The following QSOX2 variants were observed in gnomAD, a reference collection of about 807,000 sequenced individuals.
The protein encoded by QSOX2 is sulfhydryl oxidase 2.
Under a neutral mutation model 61.7 loss-of-function variants are expected in QSOX2, and 46 were observed. That is an observed-to-expected ratio of 0.75 (90% CI 0.59 to 0.95). The LOEUF (loss-of-function observed/expected upper bound fraction) is 0.95. Ranked by LOEUF, QSOX2 falls within the 40% of genes least tolerant of loss-of-function variation. QSOX2 has a pLI of 0.00. For missense variants in QSOX2, 879 were observed against 918.9 expected (o/e 0.96, Z 0.56); for synonymous variants, 383 against 388.4 (o/e 0.99, Z 0.16).
At chr9:136,231,652 C>A (rs1309929277) in intron 1 of QSOX2, among the ~76,000 whole-genome samples, 1 of 152,248 alleles carries the variant, frequency 6.6e-6, no homozygotes, top group Non-Finnish European at 1.5e-5. Context: ...GTGCCCCTCA[C>A]AGCCCCACAC....
intron 1 of QSOX2, among the ~76,000 whole-genome samples, chr9:136,232,914 T>C (rs1229173844): frequency 2.3e-5 from 2 of 87,004 alleles, no homozygotes; most frequent in Non-Finnish European, 4.1e-5. Flanking sequence ...TGAGAACCTG[T>C]CTCAAAAAAA....
intron 1 of QSOX2, among the ~76,000 whole-genome samples, chr9:136,234,467 G>A (rs1830360412): frequency 1.3e-5 from 2 of 152,316 alleles, no homozygotes; most frequent in South Asian, 2.1e-4. Context: ...TCCGGCAGAT[G>A]TCCCACACCT....
Position 136,219,055 on chromosome 9 carries a change from T to C in QSOX2, c.931A>G (p.Ile311Val), listed in dbSNP as rs771168696. Reference protein sequence around the residue: ...EKPHKEENSEIVVWREFDKSK... With the variant: ...EKPHKEENSEVVVWREFDKSK... ...TTGTCAAATTCTCTCCAAACCACGA[T>C]TTCTGAATTTTCTTCTTTGTGTGGC... The change falls in exon 7 of 12, where the codon ATC becomes GTC. Residue 311 changes from isoleucine to valine, a missense_variant. Ile to Val is a conservative substitution (Grantham distance 29). Transcript: ENST00000358701. 2 of 1,614,088 alleles carry C rather than the reference T, an allele frequency of 1.2e-6. No homozygotes were observed. The highest frequency in any genetic ancestry group is 1.7e-5 in the Admixed American group (1 of 60,016).
chr9:136,211,126 G>T, intron 11 of QSOX2, 138 bp downstream of exon 11: 2 of 973,250 alleles, frequency 2.1e-6, no homozygotes, highest in Non-Finnish European at 1.5e-6. Context: ...CCCAAGTCCT[G>T]ATCCCGTCAG....
At chr9:136,232,593 C>A (rs1830341239) in intron 1 of QSOX2, among the ~76,000 whole-genome samples, 1 of 149,794 alleles carries the variant, frequency 6.7e-6, no homozygotes, top group Non-Finnish European at 1.5e-5. Flanking sequence ...ACTTACAGAC[C>A]ACACACAGCA....
At position 136,208,970 on chromosome 9, in the gene QSOX2, G is replaced by T; in HGVS notation, c.1855C>A (p.Pro619Thr). 1 of 1,613,648 alleles carries T rather than the reference G, an allele frequency of 6.2e-7. No homozygotes were observed. The highest frequency in any genetic ancestry group is 8.5e-7 in the Non-Finnish European group (1 of 1,179,724). Residue 619 changes from proline (P) to threonine (T), a missense_variant, in exon 12 of 12, where the codon CCT (proline) becomes ACT (threonine). Transcript: ENST00000358701. ...TGATGCAAGCTCTCTGGAAGGGCAG[G>T]CCTGGGGCCCAGTGCACCAGGTGGA... is the stretch of plus-strand genomic sequence containing the variant. Reference protein sequence around the residue: ...VRPPGALGPRPALPESLHHSL... With the variant: ...VRPPGALGPRTALPESLHHSL...
chr9:136,230,156 G>A (rs953671687), intron 1 of QSOX2, among the ~76,000 whole-genome samples: 37 of 152,210 alleles, frequency 2.4e-4, no homozygotes, highest in African/African-American at 8.9e-4. Context: ...GTGCGTGCCT[G>A]TAGTCCCAGC....
intron 1 of QSOX2, among the ~76,000 whole-genome samples, chr9:136,235,590 G>C (rs1476572878): frequency 6.6e-6 from 1 of 152,260 alleles, no homozygotes; most frequent in African/African-American, 2.4e-5. Flanking sequence ...CCACTGATGT[G>C]CGTGGAGAAC....
chr9:136,220,344 T>C (rs149327678), intron 6 of QSOX2, among the ~76,000 whole-genome samples: 246 of 152,246 alleles, frequency 1.6e-3, no homozygotes, highest in Middle Eastern at 3.4e-3. Context: ...GAAAGAAAAA[T>C]ACTTAAGAAA....
chr9:136,232,245 C>T (rs1830338281), intron 1 of QSOX2, among the ~76,000 whole-genome samples: 1 of 152,190 alleles, frequency 6.6e-6, no homozygotes, highest in African/African-American at 2.4e-5. Flanking sequence ...GCAGTGAGCG[C>T]TTTCCGCACA....
In QSOX2 at chr9:136,209,227, G is replaced by T; in HGVS notation, c.1598C>A (p.Pro533Gln). 1.2e-6 allele frequency: 2 copies of T among 1,613,926 alleles called. No homozygotes were observed. The highest frequency in any genetic ancestry group is 1.7e-6 in the Non-Finnish European group (2 of 1,179,942). ...CTCATGGCAGGCTGGGCAGAGGTCC[G>T]GAGTGGGCCACTGAAGCTTTGGAAA... Reference protein sequence around the residue: ...PRFPKLQWPTPDLCPACHEEI... With the variant: ...PRFPKLQWPTQDLCPACHEEI... The change falls in exon 12 of 12, where the codon CCG becomes CAG. Residue 533 changes from proline to glutamine, a missense_variant. Transcript: ENST00000358701. The surrounding 1 kb of genome is among the most constrained non-coding windows in gnomAD (Gnocchi z 5.6).
rs569422416 is a variant in QSOX2, at chr9:136,241,586, T to C, written c.328+3890A>G. On this transcript the variant is annotated intron_variant, in intron 1 of 11. Transcript: ENST00000358701. ...ACAAAGACACAGGAATGAACTGCCA[T>C]GGCTCCAGGTCACCCACACCTGGAC... Among the ~76,000 whole-genome samples, 316 of 152,260 alleles carry C rather than the reference T, an allele frequency of 2.1e-3. 1 individual carries two copies. Among genetic ancestry groups the C allele is most frequent in the Non-Finnish European group, 3.7e-3 (255 of 68,008 alleles).
chr9:136,223,765 C>G lies in QSOX2; in HGVS notation c.673G>C (p.Glu225Gln), dbSNP rs768070302. ...TGGAGCCCACGCAGAGGCCGTACCT[C>G]CCGTCCAAGGTAGGAGCTGTTGCTT... ...FESNSSYLGREVILDLIPYES... is the reference protein window; with the variant it reads ...FESNSSYLGRQVILDLIPYES... The change falls in exon 5 of 12, where the codon GAG becomes CAG. Residue 225 changes from glutamate to glutamine, a missense_variant and splice_region_variant. Coordinates refer to ENST00000358701, the MANE Select transcript of QSOX2 (RefSeq NM_181701.4). The surrounding 1 kb of genome is among the most constrained non-coding windows in gnomAD (Gnocchi z 4.4). 1 of 1,613,758 alleles carries G rather than the reference C, an allele frequency of 6.2e-7. No individual in the cohort carries two copies. The highest frequency in any genetic ancestry group is 1.7e-5 in the Admixed American group (1 of 60,000).
intron 1 of QSOX2, among the ~76,000 whole-genome samples, chr9:136,228,299 TAAAG>T (rs1830301328): frequency 6.6e-6 from 1 of 152,142 alleles, no homozygotes; most frequent in South Asian, 2.1e-4. Context: ...GACAATTCTG[TAAAG>T]AGAGACCTGC....
At chr9:136,224,669 G>A (rs931074629) in intron 3 of QSOX2, among the ~76,000 whole-genome samples, 192 bp downstream of exon 3, 1 of 152,206 alleles carries the variant, frequency 6.6e-6, no homozygotes, top group African/African-American at 2.4e-5. Context: ...TGCCAAGCAA[G>A]GCAAAGCACA....
At chr9:136,240,737 C>A (rs1049480109) in intron 1 of QSOX2, among the ~76,000 whole-genome samples, 2 of 152,230 alleles carry the variant, frequency 1.3e-5, no homozygotes, top group African/African-American at 4.8e-5. Flanking sequence ...ACGCTACGGT[C>A]GCCTCATCTG....
intron 1 of QSOX2, among the ~76,000 whole-genome samples, chr9:136,227,285 A>G (rs1451198610): frequency 6.6e-6 from 1 of 152,182 alleles, no homozygotes; most frequent in African/African-American, 2.4e-5. Flanking sequence ...TGGCAAAAAC[A>G]TTCCCGTGTT....
chr9:136,208,081 C>G lies in QSOX2; in HGVS notation c.*647G>C, dbSNP rs3811126. The stretch of plus-strand genomic sequence containing the variant: ...CTGTTGAAATCCCCACGTCTGGTGT[C>G]GAACACCCGGAGGAACAAGGAGAGC... On this transcript the variant is annotated 3_prime_UTR_variant, in exon 12 of 12. Coordinates refer to ENST00000358701, the MANE Select transcript of QSOX2 (RefSeq NM_181701.4). 0.039 allele frequency: 5,997 copies of G among 152,046 alleles called. 183 individuals are homozygous for G. The highest frequency in any genetic ancestry group is 0.089 in the African/African-American group (3,686 of 41,310). 9.4% of individuals were successfully genotyped at this position (152,046 alleles called of 1,614,324 possible). A position where few individuals can be genotyped will look rare whatever the true frequency, so the allele number is the denominator to read the frequency against.
intron 6 of QSOX2, among the ~76,000 whole-genome samples, chr9:136,220,566 T>G (rs368284601): frequency 1.3e-5 from 2 of 152,262 alleles, no homozygotes; most frequent in African/African-American, 4.8e-5. Flanking sequence ...TGCTGCAACT[T>G]CAGGCCAGGG....
Sources: allele counts gnomAD v4.1 joint callset (sites outside exome capture counted in the v4.1 genomes callset), GRCh38; gene constraint gnomAD v4.1.1; non-coding constraint Gnocchi (gnomAD v3.1); transcripts MANE v1.5; gene names NCBI Gene and HGNC (gene_info 2026-07-23, HGNC 2026-07-21).